ZC3H12D: variants seen among roughly 807,000 people sequenced by gnomAD.
ZC3H12D encodes zinc finger CCCH-type containing 12D, also known as probable ribonuclease ZC3H12D.
In ZC3H12D, 11 loss-of-function variants were observed where a neutral mutation model predicts 24.2. That is an observed-to-expected ratio of 0.46 (90% confidence interval 0.29 to 0.75). The LOEUF (loss-of-function observed/expected upper bound fraction) is 0.75. Among genes scored for constraint, ZC3H12D ranks in the 30% least tolerant of loss-of-function variants. The pLI, the probability that ZC3H12D is intolerant of heterozygous loss-of-function variation, is 0.11. For synonymous variants in ZC3H12D, 333 were observed against 341.8 expected, an observed-to-expected ratio of 0.97 and a Z score of 0.28; for missense variants, 740 against 767.7, an observed-to-expected ratio of 0.96 and a Z score of 0.43.
intron 2 of ZC3H12D, among the ~76,000 whole-genome samples, chr6:149,472,648 T>A (rs1776263785): frequency 6.6e-6 from 1 of 152,004 alleles, no homozygotes; most frequent in Admixed American, 6.6e-5. Context: ...CAACAGAGAC[T>A]CCCATAAAAA....
chr6:149,459,341 C>T (rs1315105154), intron 3 of ZC3H12D, among the ~76,000 whole-genome samples: 1 of 152,210 alleles, frequency 6.6e-6, no homozygotes, highest in Non-Finnish European at 1.5e-5. Flanking sequence ...TTCCCTCTTT[C>T]TCATAGTTCC....
chr6:149,470,919 T>C (rs147859467), intron 2 of ZC3H12D, among the ~76,000 whole-genome samples: 1,740 of 152,336 alleles, frequency 0.011, 38 homozygotes, highest in African/African-American at 0.04. Flanking sequence ...GGGAGTTGTG[T>C]TGGGCAGCCC....
intron 2 of ZC3H12D, among the ~76,000 whole-genome samples, chr6:149,469,183 A>C (rs584916): frequency 0.64 from 97,413 of 152,076 alleles, 33,702 homozygotes; most frequent in African/African-American, 0.9. Context: ...CTCAGCCGGG[A>C]GCGATGGCTC....
chr6:149,456,636 C>CCCCCGGGGG lies in ZC3H12D; in HGVS notation c.680+29_680+30insCCCCCGGGG. The CCCCCGGGGG allele has an allele frequency of 6.4e-7, 1 of 1,563,870 alleles. No individual in the cohort carries two copies. Among genetic ancestry groups the CCCCCGGGGG allele is most frequent in the Non-Finnish European group, 8.8e-7 (1 of 1,137,794 alleles). ...CCCCGGCCCCCCGCCCCGCCGCCCC[C>CCCCCGGGGG]CAGGGTGTCAGGACCCCAGCCGGAC... On this transcript the variant is annotated intron_variant, in intron 4 of 5. Transcript: ENST00000409806. This position sits in a 1 kb window ranked among gnomAD's most constrained non-coding sequence, Gnocchi z 4.3.
chr6:149,471,074 T>C (rs1776237214), intron 2 of ZC3H12D, among the ~76,000 whole-genome samples: 1 of 152,230 alleles, frequency 6.6e-6, no homozygotes, highest in East Asian at 1.9e-4. Context: ...GAGTTCTCAT[T>C]ACGTTGACCC....
At chr6:149,472,884 G>C (rs1366365120) in intron 2 of ZC3H12D, among the ~76,000 whole-genome samples, 1 of 152,084 alleles carries the variant, frequency 6.6e-6, no homozygotes, top group East Asian at 1.9e-4. Flanking sequence ...TAGAGGCCAG[G>C]CCCCTCTCAC....
In ZC3H12D at chr6:149,484,930, AG is replaced by A. The variant is rs930180892; in HGVS notation, c.-189del. Reference sequence around the variant, plus strand: ...CCCCAGGTGCCACTGGAGTCAGAGGAGGGCAGCTGGCGTGCGCCAAGCAGCC... The same window carrying A: ...CCCCAGGTGCCACTGGAGTCAGAGGAGGCAGCTGGCGTGCGCCAAGCAGCC... On this transcript the variant is annotated 5_prime_UTR_variant, in exon 1 of 6. It removes the in-frame stop codon of an upstream open reading frame in the 5' UTR. Coordinates refer to ENST00000409806, the MANE Select transcript of ZC3H12D (RefSeq NM_207360.3). 6.6e-6 allele frequency: 1 copy of A among 152,156 alleles called. No homozygotes were observed. Among genetic ancestry groups the A allele is most frequent in the Non-Finnish European group, 1.5e-5 (1 of 68,072 alleles). 9.4% of individuals were successfully genotyped at this position (152,156 alleles called of 1,614,324 possible). A position where few individuals can be genotyped will look rare whatever the true frequency, so the allele number is the denominator to read the frequency against.
intron 1 of ZC3H12D, among the ~76,000 whole-genome samples, chr6:149,483,738 T>TG (rs1158477317): frequency 6.6e-6 from 1 of 152,010 alleles, no homozygotes; most frequent in East Asian, 1.9e-4. Flanking sequence ...TTTGTAGAGA[T>TG]GGGGGTCTCA....
intron 3 of ZC3H12D, among the ~76,000 whole-genome samples, chr6:149,459,311 A>C (rs886613807): frequency 1.3e-5 from 2 of 152,236 alleles, no homozygotes; most frequent in African/African-American, 4.8e-5. Context: ...ATGACAGGGA[A>C]CTGAACACAA....
At chr6:149,465,852 C>T (rs1776152298) in intron 2 of ZC3H12D, among the ~76,000 whole-genome samples, 1 of 151,852 alleles carries the variant, frequency 6.6e-6, no homozygotes, top group Non-Finnish European at 1.5e-5. Context: ...GGAGGAGGTC[C>T]TCACCCCACC....
Position 149,452,472 on chromosome 6 carries a change from C to T in ZC3H12D, c.787+144G>A, listed in dbSNP as rs2115001046. The T allele has an allele frequency of 1.7e-6, 1 of 601,840 alleles. No individual in the cohort carries two copies. The highest frequency in any genetic ancestry group is 2.7e-6 in the Non-Finnish European group (1 of 373,508). 37.3% of individuals were successfully genotyped at this position (601,840 alleles called of 1,614,324 possible). ...ACAATAACCCTGTCAGGAAAGTTAA[C>T]TCTCCAGGTAGCACAGCTGGAGGGC... On this transcript the variant is annotated intron_variant, in intron 5 of 5. Coordinates refer to ENST00000409806, the MANE Select transcript of ZC3H12D (RefSeq NM_207360.3). This position sits in a 1 kb window ranked among gnomAD's most constrained non-coding sequence, Gnocchi z 4.0.
chr6:149,459,513 G>A, intron 3 of ZC3H12D: 1 of 707,932 alleles, frequency 1.4e-6, no homozygotes, highest in Non-Finnish European at 2.6e-6. Context: ...ATGCGCAGAA[G>A]GCTGGAGTGG....
intron 3 of ZC3H12D, among the ~76,000 whole-genome samples, chr6:149,461,421 C>T (rs1776071118): frequency 6.6e-6 from 1 of 151,882 alleles, no homozygotes; most frequent in South Asian, 2.1e-4. Flanking sequence ...AGATGAAGTA[C>T]TTGGTAAATA....
intron 2 of ZC3H12D, among the ~76,000 whole-genome samples, chr6:149,462,945 T>C (rs1323480674): frequency 6.6e-6 from 1 of 152,210 alleles, no homozygotes; most frequent in African/African-American, 2.4e-5. Context: ...GCTCCTCAGT[T>C]TGCAGATGGT....
Position 149,450,350 on chromosome 6 carries a change from T to G in ZC3H12D, c.*333A>C. 1 of 296,360 alleles carries G rather than the reference T, an allele frequency of 3.4e-6. No homozygotes were observed. The highest frequency in any genetic ancestry group is 6.3e-6 in the Non-Finnish European group (1 of 158,926). The allele number at this position is 296,360 out of a possible 1,614,324, so 18.4% of individuals were successfully genotyped here. On this transcript the variant is annotated 3_prime_UTR_variant, in exon 6 of 6. Coordinates refer to ENST00000409806, the MANE Select transcript of ZC3H12D (RefSeq NM_207360.3). ...CGCTTTGCCCTGTCCCAGTCCACTG[T>G]GTTTGTGGTGGTGACCCACTAAATT...
Position 149,450,597 on chromosome 6 carries a change from C to G in ZC3H12D, c.*86G>C, listed in dbSNP as rs961995062. 1 of 1,331,126 alleles carries G rather than the reference C, an allele frequency of 7.5e-7. No homozygotes were observed. The highest frequency in any genetic ancestry group is 1.5e-5 in the African/African-American group (1 of 66,726). 82.5% of individuals were successfully genotyped at this position (1,331,126 alleles called of 1,614,324 possible). Reference sequence around the variant, plus strand: ...AAAAGGGGGCACCATGATGGGCCCACTCAGGTCCAGGCTGGCAACCACAGG... The same window carrying G: ...AAAAGGGGGCACCATGATGGGCCCAGTCAGGTCCAGGCTGGCAACCACAGG... On this transcript the variant is annotated 3_prime_UTR_variant, in exon 6 of 6. Coordinates refer to ENST00000409806, the MANE Select transcript of ZC3H12D (RefSeq NM_207360.3).
At chr6:149,466,097 G>C (rs1005124716) in intron 2 of ZC3H12D, among the ~76,000 whole-genome samples, 4 of 152,080 alleles carry the variant, frequency 2.6e-5, no homozygotes, top group Non-Finnish European at 5.9e-5. Context: ...GACTGTCTGG[G>C]GATGGACAAG....
chr6:149,452,639 G>C lies in ZC3H12D; in HGVS notation c.764C>G (p.Pro255Arg), dbSNP rs1232193438. 6.3e-7 allele frequency: 1 copy of C among 1,597,522 alleles called. No individual in the cohort carries two copies. Among genetic ancestry groups the C allele is most frequent in the Admixed American group, 1.7e-5 (1 of 57,488 alleles). ...ACCATAAGGACAATGCTGCCAGGAT[G>C]GCTCTGGGGGCTTCGGCTTCCTGCT... The part of the protein sequence containing the change: ...FLSRKPKPPE[P>R]SWQHCPYGKK... Residue 255 changes from proline to arginine, a missense_variant, in exon 5 of 6, where the codon CCA becomes CGA. Coordinates refer to ENST00000409806, the MANE Select transcript of ZC3H12D (RefSeq NM_207360.3). The surrounding 1 kb of genome is among the most constrained non-coding windows in gnomAD (Gnocchi z 4.0).
At position 149,451,188 on chromosome 6, in the gene ZC3H12D, G is replaced by A; in HGVS notation, c.1079C>T (p.Pro360Leu). ...AFSDDLGPLG[P>L]PLPVPACSLT... ...GCTGCAGGCGGGGACCGGGAGAGGCGGCCCCAGGGGCCCCAGGTCGTCGCT... is the reference window on the plus strand; with the variant it reads ...GCTGCAGGCGGGGACCGGGAGAGGCAGCCCCAGGGGCCCCAGGTCGTCGCT... The change falls in exon 6 of 6, where the codon CCG (proline) becomes CTG (leucine). Residue 360 changes from proline (P) to leucine (L), a missense_variant. Physicochemically the swap from Pro to Leu is moderately conservative, Grantham distance 98. Coordinates refer to ENST00000409806, the MANE Select transcript of ZC3H12D (RefSeq NM_207360.3). The A allele has an allele frequency of 7.6e-7, 1 of 1,308,488 alleles. No individual in the cohort carries two copies. Among genetic ancestry groups the A allele is most frequent in the Non-Finnish European group, 9.7e-7 (1 of 1,034,428 alleles). The allele number at this position is 1,308,488 out of a possible 1,614,324, so 81.1% of individuals were successfully genotyped here.
Sources: allele counts gnomAD v4.1 joint callset (sites outside exome capture counted in the v4.1 genomes callset), GRCh38; gene constraint gnomAD v4.1.1; non-coding constraint Gnocchi (gnomAD v3.1); transcripts MANE v1.5; gene names NCBI Gene and HGNC (gene_info 2026-07-23, HGNC 2026-07-21).